The following NOL4 variants were observed in gnomAD, a reference collection of about 807,000 sequenced individuals.
NOL4 encodes cancer/testis antigen 125.
Under a neutral mutation model 75.9 loss-of-function variants are expected in NOL4, and 17 were observed. The ratio of observed to expected loss-of-function variants is 0.22; its 90% CI spans 0.15 to 0.34. The LOEUF is 0.34. Ranked by LOEUF, NOL4 falls within the 10% of genes least tolerant of loss-of-function variation. The pLI, the probability that NOL4 is intolerant of heterozygous loss-of-function variation, is 1.00. For missense variants in NOL4, 614 were observed against 793.5 expected (o/e 0.77, Z 2.72); for synonymous variants, 292 against 289.9 (o/e 1.01, Z -0.07).
chr18:33,971,960 G>A (rs1212436630), intron 6 of NOL4, among the ~76,000 whole-genome samples: 4 of 152,028 alleles, frequency 2.6e-5, no homozygotes, highest in Non-Finnish European at 5.9e-5. Context: ...GAGGTCAGAA[G>A]TTCAAAACCA....
At chr18:34,144,861 A>T (rs915666332) in intron 1 of NOL4, among the ~76,000 whole-genome samples, 6 of 152,140 alleles carry the variant, frequency 3.9e-5, no homozygotes, top group Admixed American at 3.9e-4. Flanking sequence ...TTCTCCTTAT[A>T]GGATCTACTT....
intron 10 of NOL4, among the ~76,000 whole-genome samples, chr18:33,876,121 T>C (rs1009133131): frequency 1.8e-4 from 27 of 152,084 alleles, no homozygotes; most frequent in Non-Finnish European, 4.4e-5. Context: ...GATTTGAACA[T>C]GAGAACTCCA....
At chr18:33,971,946 A>C (rs928481819) in intron 6 of NOL4, among the ~76,000 whole-genome samples, 2 of 152,112 alleles carry the variant, frequency 1.3e-5, no homozygotes, top group Non-Finnish European at 2.9e-5. Context: ...CAGGTGGATC[A>C]TCTGAGGTCA....
intron 5 of NOL4, among the ~76,000 whole-genome samples, chr18:34,057,014 T>TTGTTGTATTTG (rs1169267214): frequency 6.6e-5 from 10 of 152,200 alleles, no homozygotes; most frequent in Non-Finnish European, 1.5e-4. Context: ...AACCCTTGAC[T>TTGTTGTATTTG]TAGGAAGATT....
At chr18:33,965,389 A>C (rs1395338458) in intron 6 of NOL4, among the ~76,000 whole-genome samples, 2 of 152,020 alleles carry the variant, frequency 1.3e-5, no homozygotes, top group South Asian at 4.1e-4. Flanking sequence ...TGTACTGGGG[A>C]GGGTGAGGCA....
intron 1 of NOL4, among the ~76,000 whole-genome samples, chr18:34,163,024 T>C (rs2031759106): frequency 6.6e-6 from 1 of 152,192 alleles, no homozygotes; most frequent in Non-Finnish European, 1.5e-5. Context: ...CAAAAGGCCT[T>C]TGACAAAATT....
At chr18:33,942,277 G>A (rs181585276) in intron 9 of NOL4, among the ~76,000 whole-genome samples, 265 of 151,914 alleles carry the variant, frequency 1.7e-3, no homozygotes, top group South Asian at 4.6e-3. Context: ...TGAAAATGTG[G>A]CAAAGTTTTA....
intron 1 of NOL4, among the ~76,000 whole-genome samples, chr18:34,175,048 A>G (rs1386429644): frequency 6.6e-6 from 1 of 152,162 alleles, no homozygotes; most frequent in Non-Finnish European, 1.5e-5. Flanking sequence ...TATATACCCA[A>G]AGGATTATAA....
rs976823087 is a variant in NOL4, at chr18:33,951,211, A to G, written c.1428+6115T>C. The stretch of plus-strand genomic sequence containing the variant: ...ATTCCTCTGGAATCAGTCAGGCTGT[A>G]TGAGTAGTAGCCTCAGAAATTATCT... On this transcript the variant is annotated intron_variant, in intron 8 of 10. Coordinates refer to ENST00000261592, the MANE Select transcript of NOL4 (RefSeq NM_003787.5). 2.0e-5 allele frequency among the ~76,000 whole-genome samples: 3 copies of G among 152,264 alleles called. No homozygotes were observed. In the East Asian group the frequency reaches 5.8e-4, roughly 29 times the overall value.
chr18:33,895,386 T>C (rs1379272197), intron 9 of NOL4, among the ~76,000 whole-genome samples: 3 of 152,140 alleles, frequency 2.0e-5, no homozygotes, highest in Non-Finnish European at 4.4e-5. Flanking sequence ...ACACTTTCCA[T>C]TTAGTTATTA....
intron 10 of NOL4, among the ~76,000 whole-genome samples, chr18:33,865,569 A>C (rs932957545): frequency 3.9e-5 from 6 of 152,130 alleles, no homozygotes; most frequent in Non-Finnish European, 8.8e-5. Context: ...ATAAAAAAAA[A>C]ACTACATTTT....
At chr18:34,222,599 G>A in intron 1 of NOL4, 6 of 424,136 alleles carry the variant, frequency 1.4e-5, no homozygotes, top group Non-Finnish European at 1.9e-5. Context: ...CGGGCTTCCA[G>A]CCTGGCCTTT....
chr18:33,970,875 C>A (rs971039408), intron 6 of NOL4, among the ~76,000 whole-genome samples: 5 of 151,908 alleles, frequency 3.3e-5, no homozygotes, highest in Admixed American at 2.6e-4. Flanking sequence ...GAGATCCATA[C>A]AATGTGTGAA....
intron 9 of NOL4, among the ~76,000 whole-genome samples, chr18:33,895,652 G>A (rs532395506): frequency 2.6e-5 from 4 of 151,710 alleles, no homozygotes; most frequent in Non-Finnish European, 4.4e-5. Context: ...TACATTTTTG[G>A]AATAAGAAAA....
rs1434125305 is a variant in NOL4 at position 34,119,904 on chromosome 18, A to G, written c.414+9967T>C. Among the ~76,000 whole-genome samples the G allele has an allele frequency of 3.9e-5, 6 of 152,184 alleles. 1 individual carries two copies. The highest frequency in any genetic ancestry group is 2.1e-4 in the South Asian group (1 of 4,824). ...CCCAAAGTGCTGGGATTACAGGCTT[A>G]AGCCACCGCGCCCGGCCTGATTTTT... On this transcript the variant is annotated intron_variant, in intron 2 of 10. Transcript: ENST00000261592.
intron 5 of NOL4, among the ~76,000 whole-genome samples, chr18:34,085,955 T>A (rs2078221415): frequency 6.6e-6 from 1 of 152,122 alleles, no homozygotes; most frequent in African/African-American, 2.4e-5. Context: ...CATAGTAACA[T>A]TCCTTCAAAT....
chr18:33,882,099 A>G (rs2064320372), intron 10 of NOL4, among the ~76,000 whole-genome samples: 1 of 152,172 alleles, frequency 6.6e-6, no homozygotes, highest in Non-Finnish European at 1.5e-5. Flanking sequence ...AACCATAAAA[A>G]CCCTAGAAGA....
At chr18:33,880,575 C>A (rs778207034) in intron 10 of NOL4, among the ~76,000 whole-genome samples, 4 of 151,948 alleles carry the variant, frequency 2.6e-5, no homozygotes, top group Non-Finnish European at 4.4e-5. Flanking sequence ...CACTGCTGAC[C>A]GAGCATGCCA....
intron 1 of NOL4, among the ~76,000 whole-genome samples, chr18:34,212,829 G>C (rs1358629041): frequency 6.6e-6 from 1 of 152,184 alleles, no homozygotes; most frequent in Admixed American, 6.5e-5. Flanking sequence ...ATTTCAGCAA[G>C]AGAGAACTTC....
Sources: allele counts gnomAD v4.1 joint callset (sites outside exome capture counted in the v4.1 genomes callset), GRCh38; gene constraint gnomAD v4.1.1; transcripts MANE v1.5; gene names NCBI Gene and HGNC (gene_info 2026-07-23, HGNC 2026-07-21).